The following NFKB2 variants were observed in gnomAD, a reference collection of about 807,000 sequenced individuals.
NFKB2 encodes nuclear factor kappa B subunit 2.
Under a neutral mutation model 109.3 loss-of-function variants are expected in NFKB2, and 21 were observed. That is an observed-to-expected ratio of 0.19 (90% CI 0.14 to 0.28). The LOEUF is 0.28. Among genes scored for constraint, NFKB2 ranks in the 10% least tolerant of loss-of-function variants. The pLI is 1.00. For missense variants in NFKB2, 806 were observed against 1,185.3 expected, an observed-to-expected ratio of 0.68 and a Z score of 4.70; for synonymous variants, 478 against 489.9, an observed-to-expected ratio of 0.98 and a Z score of 0.32.
chr10:102,400,211 T>G lies in NFKB2; in HGVS notation c.1584+17T>G, dbSNP rs751381621. On this transcript the variant is annotated intron_variant, in intron 15 of 22. Transcript: ENST00000661543. This position sits in a 1 kb window ranked among gnomAD's most constrained non-coding sequence, Gnocchi z 6.3. Reference sequence around the variant, plus strand: ...CTGCACCAGGTGCGGGGGCGCCTACTGGGGAGGTGGGAGGGGTTGGAAGGC... The same window carrying G: ...CTGCACCAGGTGCGGGGGCGCCTACGGGGGAGGTGGGAGGGGTTGGAAGGC... 9.9e-6 allele frequency: 16 copies of G among 1,613,742 alleles called. No individual in the cohort carries two copies. The East Asian group carries it at 3.6e-4, about 36-fold the overall frequency.
In NFKB2 at chr10:102,396,739, T is replaced by C. The variant is rs753714205; in HGVS notation, c.159T>C (p.Phe53=). The C allele has an allele frequency of 1.9e-6, 3 of 1,612,080 alleles. No homozygotes were observed. The highest frequency in any genetic ancestry group is 1.7e-5 in the Admixed American group (1 of 59,988). The change falls in exon 5 of 23, where the codon TTT becomes TTC. Residue 53 remains phenylalanine, a synonymous_variant. Coordinates refer to ENST00000661543, the MANE Select transcript of NFKB2 (RefSeq NM_001322934.2). The surrounding 1 kb of genome is among the most constrained non-coding windows in gnomAD (Gnocchi z 5.9). ...VEQPKQRGFR[F]RYGCEGPSHG... is the part of the protein sequence containing the mutation. The stretch of plus-strand genomic sequence containing the variant: ...TGGACCTTCAGAGAGGCTTCCGATT[T>C]CGATATGGCTGTGAAGGCCCCTCCC...
Position 102,400,238 on chromosome 10 carries a change from A to C in NFKB2, c.1585-40A>C. ...GGGAGGTGGGAGGGGTTGGAAGGCAAGTGGGTCTCGGGCCTGGCTCACCCT... is the reference window on the plus strand; with the variant it reads ...GGGAGGTGGGAGGGGTTGGAAGGCACGTGGGTCTCGGGCCTGGCTCACCCT... On this transcript the variant is annotated intron_variant, in intron 15 of 22. Coordinates refer to ENST00000661543, the MANE Select transcript of NFKB2 (RefSeq NM_001322934.2). The surrounding 1 kb of genome is among the most constrained non-coding windows in gnomAD (Gnocchi z 6.3). 6.2e-7 allele frequency: 1 copy of C among 1,613,902 alleles called. No individual in the cohort carries two copies. Among genetic ancestry groups the C allele is most frequent in the Non-Finnish European group, 8.5e-7 (1 of 1,179,930 alleles).
At position 102,397,715 on chromosome 10, in the gene NFKB2, G is replaced by A; in HGVS notation, c.661+30G>A. On this transcript the variant is annotated intron_variant, in intron 8 of 22. Transcript: ENST00000661543. The surrounding 1 kb of genome is among the most constrained non-coding windows in gnomAD (Gnocchi z 4.7). ...GTATCCTGATTGCCTGGGGTGCCAG[G>A]CCTGGTGGCAGAGGTGGCATGAGGG... 2 of 1,591,962 alleles carry A rather than the reference G, an allele frequency of 1.3e-6. No individual in the cohort carries two copies. The highest frequency in any genetic ancestry group is 8.6e-7 in the Non-Finnish European group (1 of 1,163,632).
At position 102,398,686 on chromosome 10, in the gene NFKB2, C is replaced by T; in HGVS notation, c.992-53C>T. The T allele has an allele frequency of 3.1e-6, 5 of 1,611,936 alleles. No individual in the cohort carries two copies. The highest frequency in any genetic ancestry group is 4.2e-6 in the Non-Finnish European group (5 of 1,179,976). ...CCCTGAGGGCTCTTCTGGGAAGGGC[C>T]CCTGAGGCATGACACAATAACTGGG... On this transcript the variant is annotated intron_variant, in intron 11 of 22. Transcript: ENST00000661543. The surrounding 1 kb of genome is among the most constrained non-coding windows in gnomAD (Gnocchi z 6.6).
intron 12 of NFKB2, 65 bp from the exon 13 acceptor site, chr10:102,399,223 A>G (rs2135434316): frequency 2.7e-6 from 4 of 1,494,240 alleles, no homozygotes; most frequent in Middle Eastern, 3.6e-4. Flanking sequence ...CTCAAAAAAA[A>G]AAAAAAAAAA....
rs1589871960 is a variant in NFKB2, at chr10:102,401,634, C to T, written c.2294-111C>T. The T allele has an allele frequency of 1.3e-5, 20 of 1,519,148 alleles. 1 individual carries two copies. In the South Asian group the frequency reaches 2.2e-4, roughly 17 times the overall value. The allele number at this position is 1,519,148 out of a possible 1,614,324, so 94.1% of individuals were successfully genotyped here. ...CTCTACCCTCAGCCCCGTCCATCAC[C>T]CCTCATGGTCCTGTCTGTCGCTTAC... On this transcript the variant is annotated intron_variant, in intron 20 of 22. Coordinates refer to ENST00000661543, the MANE Select transcript of NFKB2 (RefSeq NM_001322934.2). The surrounding 1 kb of genome is among the most constrained non-coding windows in gnomAD (Gnocchi z 4.2).
Position 102,402,514 on chromosome 10 carries a change from T to G in NFKB2, c.*138T>G. 1 of 582,736 alleles carries G rather than the reference T, an allele frequency of 1.7e-6. No individual in the cohort carries two copies. The highest frequency in any genetic ancestry group is 2.3e-5 in the South Asian group (1 of 42,940). 36.1% of individuals were successfully genotyped at this position (582,736 alleles called of 1,614,324 possible). ...CTCATGGGAAGGGGAGGACCCCTCC[T>G]TCCCAACTTATGGCAGCCCCTGATG... On this transcript the variant is annotated 3_prime_UTR_variant, in exon 23 of 23. Coordinates refer to ENST00000661543, the MANE Select transcript of NFKB2 (RefSeq NM_001322934.2).
At position 102,397,590 on chromosome 10, in the gene NFKB2, T is replaced by C. The variant is rs773316814; in HGVS notation, c.566T>C (p.Ile189Thr). ...KELKKVMDLS[I>T]VRLRFSAFLR... ...CTGAAGAAGGTGATGGATCTGAGTA[T>C]AGTGCGGCTGCGCTTCTCTGCCTTC... The change falls in exon 8 of 23, where the codon ATA (isoleucine) becomes ACA (threonine). Residue 189 changes from isoleucine to threonine, a missense_variant. By Grantham distance (89) the Ile-to-Thr change is moderately conservative. This residue lies in a region of NFKB2 where 62 missense variants were observed against 102.2 expected (regional missense o/e 0.61). Transcript: ENST00000661543. The surrounding 1 kb of genome is among the most constrained non-coding windows in gnomAD (Gnocchi z 4.7). 2.5e-6 allele frequency: 4 copies of C among 1,613,966 alleles called. No individual in the cohort carries two copies. The highest frequency in any genetic ancestry group is 1.1e-5 in the South Asian group (1 of 91,092).
rs764708514 is a variant in NFKB2 at position 102,400,191 on chromosome 10, C to G, written c.1581C>G (p.His527Gln). 6.2e-7 allele frequency: 1 copy of G among 1,614,112 alleles called. No individual in the cohort carries two copies. Among genetic ancestry groups the G allele is most frequent in the Non-Finnish European group, 8.5e-7 (1 of 1,179,988 alleles). Residue 527 changes from histidine (H) to glutamine (Q), a missense_variant, in exon 15 of 23, where the codon CAC becomes CAG. Transcript: ENST00000661543. This position sits in a 1 kb window ranked among gnomAD's most constrained non-coding sequence, Gnocchi z 6.3. ...LGVVNLTNHL[H>Q]QTPLHLAVIT... is the part of the protein sequence containing the mutation. Reference sequence around the variant, plus strand: ...TTGTCAACCTCACCAACCACCTGCACCAGGTGCGGGGGCGCCTACTGGGGA... The same window carrying G: ...TTGTCAACCTCACCAACCACCTGCAGCAGGTGCGGGGGCGCCTACTGGGGA...
chr10:102,394,534 G>A (rs1405697466), upstream of NFKB2: 1 of 152,062 alleles, frequency 6.6e-6, no homozygotes, highest in African/African-American at 2.4e-5. Context: ...GCTGGCAGGC[G>A]AGGTGTCGCG....
Position 102,402,353 on chromosome 10 carries a change from C to A in NFKB2, c.2680C>A (p.His894Asn). 1 of 1,554,466 alleles carries A rather than the reference C, an allele frequency of 6.4e-7. No homozygotes were observed. Among genetic ancestry groups the A allele is most frequent in the African/African-American group, 1.4e-5 (1 of 73,198 alleles). ...PEPPGGLCHG[H>N]PQPQVH ...GCCACCAGGAGGGCTCTGCCACGGG[C>A]ACCCCCAGCCTCAGGTGCACTGACC... is the stretch of plus-strand genomic sequence containing the variant. The change falls in exon 23 of 23, where the codon CAC becomes AAC. Residue 894 changes from histidine to asparagine, a missense_variant. Transcript: ENST00000661543.
chr10:102,399,765 A>G, intron 14 of NFKB2, 47 bp downstream of exon 14: 2 of 1,440,450 alleles, frequency 1.4e-6, no homozygotes, highest in African/African-American at 1.4e-5. Flanking sequence ...TGGGGGCAGG[A>G]AAGGGACCGG....
In NFKB2 at chr10:102,398,900, A is replaced by G. The variant is rs763155274; in HGVS notation, c.1117+36A>G. 6.3e-7 allele frequency: 1 copy of G among 1,575,452 alleles called. No individual in the cohort carries two copies. The highest frequency in any genetic ancestry group is 8.6e-7 in the Non-Finnish European group (1 of 1,162,938). ...ACTGATGGAGGGAGGGGTAAAGGTA[A>G]GAGAAGCTGTGGAGGAAAAAAATCT... is the stretch of plus-strand genomic sequence containing the variant. On this transcript the variant is annotated intron_variant, in intron 12 of 22. Coordinates refer to ENST00000661543, the MANE Select transcript of NFKB2 (RefSeq NM_001322934.2). The surrounding 1 kb of genome is among the most constrained non-coding windows in gnomAD (Gnocchi z 6.6).
chr10:102,398,380 C>G lies in NFKB2; in HGVS notation c.853-5C>G. 6.2e-7 allele frequency: 1 copy of G among 1,613,986 alleles called. No homozygotes were observed. Among genetic ancestry groups the G allele is most frequent in the South Asian group, 1.1e-5 (1 of 91,062 alleles). On this transcript the variant is annotated splice_polypyrimidine_tract_variant and splice_region_variant and intron_variant, in intron 10 of 22. Coordinates refer to ENST00000661543, the MANE Select transcript of NFKB2 (RefSeq NM_001322934.2). The surrounding 1 kb of genome is among the most constrained non-coding windows in gnomAD (Gnocchi z 6.6). Reference sequence around the variant, plus strand: ...TGACACCCTGTGTCTCCCTGCACCCCCCAGTATGCCATTGTGTTCCGGACA... The same window carrying G: ...TGACACCCTGTGTCTCCCTGCACCCGCCAGTATGCCATTGTGTTCCGGACA...
Position 102,396,257 on chromosome 10 carries a change from T to G in NFKB2, c.26T>G (p.Leu9Arg). 1 of 1,605,952 alleles carries G rather than the reference T, an allele frequency of 6.2e-7. No homozygotes were observed. The highest frequency in any genetic ancestry group is 8.5e-7 in the Non-Finnish European group (1 of 1,173,220). The change falls in exon 3 of 23, where the codon CTG (leucine) becomes CGG (arginine). Residue 9 changes from leucine (L) to arginine (R), a missense_variant. Leu to Arg is a moderately radical substitution (Grantham distance 102). Around this residue, in one of 10 missense-constraint regions of NFKB2, gnomAD observed 39 missense variants for 35.6 expected, o/e 1.09. Transcript: ENST00000661543. The surrounding 1 kb of genome is among the most constrained non-coding windows in gnomAD (Gnocchi z 5.9). ...CCCAGTCTGTCTCCAAACCAGGGTC[T>G]GGATGGTATTATTGAATATGATGAT... MESCYNPG[L>R]DGIIEYDDFK...
Position 102,401,286 on chromosome 10 carries a change from C to T in NFKB2, c.2178C>T (p.Ser726=), listed in dbSNP as rs777183917. ...AAGGGCCTGAGAAGGACACCCGAAG[C>T]AGCTTCCGGGGCCACACGCCTCTTG... ...DSEGPEKDTR[S]SFRGHTPLDL... is the part of the protein sequence containing the mutation. Residue 726 remains serine (S), a synonymous_variant, in exon 19 of 23, where the codon AGC becomes AGT. Transcript: ENST00000661543. This position sits in a 1 kb window ranked among gnomAD's most constrained non-coding sequence, Gnocchi z 4.2. 5.0e-6 allele frequency: 8 copies of T among 1,611,048 alleles called. No homozygotes were observed. Among genetic ancestry groups the T allele is most frequent in the Non-Finnish European group, 6.8e-6 (8 of 1,178,398 alleles).
At position 102,396,000 on chromosome 10, in the gene NFKB2, CCT is replaced by C; in HGVS notation, c.21+21_21+22del. ...AACCCAGTGAGTCATGCCGCCTGCC[CCT>C]GACCCGGCCGGCTGCCCCTCGTGTC... On this transcript the variant is annotated intron_variant, in intron 2 of 22. Transcript: ENST00000661543. The C allele has an allele frequency of 6.2e-7, 1 of 1,612,092 alleles. No individual in the cohort carries two copies. The highest frequency in any genetic ancestry group is 1.1e-5 in the South Asian group (1 of 91,080).
At position 102,400,324 on chromosome 10, in the gene NFKB2, G is replaced by A; in HGVS notation, c.1631G>A (p.Ser544Asn). ...ATCACGGGGCAGACGAGTGTGGTGA[G>A]CTTTCTGCTGCGGGTAGGTGCAGAC... ...AVITGQTSVV[S>N]FLLRVGADPA... is the part of the protein sequence containing the mutation. The change falls in exon 16 of 23, where the codon AGC becomes AAC. Residue 544 changes from serine to asparagine, a missense_variant. Around this residue, in one of 10 missense-constraint regions of NFKB2, gnomAD observed 163 missense variants for 207.1 expected, o/e 0.79. Transcript: ENST00000661543. The surrounding 1 kb of genome is among the most constrained non-coding windows in gnomAD (Gnocchi z 6.3). 6.2e-7 allele frequency: 1 copy of A among 1,614,020 alleles called. No homozygotes were observed. Among genetic ancestry groups the A allele is most frequent in the Non-Finnish European group, 8.5e-7 (1 of 1,180,022 alleles).
Position 102,400,344 on chromosome 10 carries a change from G to A in NFKB2, c.1651G>A (p.Ala551Thr). 3.1e-6 allele frequency: 5 copies of A among 1,613,902 alleles called. No individual in the cohort carries two copies. The highest frequency in any genetic ancestry group is 3.4e-6 in the Non-Finnish European group (4 of 1,180,004). Residue 551 changes from alanine to threonine, a missense_variant, in exon 16 of 23, where the codon GCA (alanine) becomes ACA (threonine). Physicochemically the swap from Ala to Thr is moderately conservative, Grantham distance 58. Around this residue, in one of 10 missense-constraint regions of NFKB2, gnomAD observed 163 missense variants for 207.1 expected, o/e 0.79. Transcript: ENST00000661543. This position sits in a 1 kb window ranked among gnomAD's most constrained non-coding sequence, Gnocchi z 6.3. ...GGTGAGCTTTCTGCTGCGGGTAGGT[G>A]CAGACCCAGCTCTGCTGGATCGGCA... Reference protein sequence around the residue: ...SVVSFLLRVGADPALLDRHGD... With the variant: ...SVVSFLLRVGTDPALLDRHGD...
Sources: allele counts gnomAD v4.1 joint callset, GRCh38; gene constraint gnomAD v4.1.1; regional missense constraint gnomAD v4.1.1; non-coding constraint Gnocchi (gnomAD v3.1); transcripts MANE v1.5; gene names NCBI Gene and HGNC (gene_info 2026-07-23, HGNC 2026-07-21).